The following FBXO4 variants were observed in gnomAD, a reference collection of about 807,000 sequenced individuals.
FBXO4 encodes the protein F-box only protein 4.
A neutral mutation model predicts 43.7 loss-of-function variants in FBXO4; 36 were observed. The ratio of observed to expected loss-of-function variants is 0.82; its 90% CI spans 0.63 to 1.09. The LOEUF is 1.09. FBXO4 is among the 50% of genes least tolerant of loss of function. The probability of loss-of-function intolerance (pLI) is 0.00; values close to 1 mark genes in which losing one functional copy is unlikely to be tolerated. For missense variants in FBXO4, 435 were observed against 474.1 expected (o/e 0.92, Z 0.77); for synonymous variants, 180 against 165.6 (o/e 1.09, Z -0.67).
rs1751991814 is a variant in FBXO4, at chr5:41,941,063, C to CT, written c.1075-127dup. 1.8e-5 allele frequency: 11 copies of CT among 609,516 alleles called. No individual in the cohort carries two copies. In the East Asian group the frequency reaches 3.2e-4, roughly 18 times the overall value. The allele number at this position is 609,516 out of a possible 1,614,324, so 37.8% of individuals were successfully genotyped here. A position where few individuals can be genotyped will look rare whatever the true frequency, so the allele number is the denominator to read the frequency against. On this transcript the variant is annotated intron_variant, in intron 6 of 6. Transcript: ENST00000281623. ...GCTCTACAAAACAAAACTTGAGCAACTTATCCAAAGTTTATTGGGATTTTT... is the reference window on the plus strand; with the variant it reads ...GCTCTACAAAACAAAACTTGAGCAACTTTATCCAAAGTTTATTGGGATTTTT...
At chr5:41,974,352 T>C in the FBXO4 span, among the ~76,000 whole-genome samples, 1 of 152,190 alleles carries the variant, frequency 6.6e-6, no homozygotes, top group African/African-American at 2.4e-5. Context: ...ATTACATGTA[T>C]GTTAGATGGT....
At chr5:41,984,314 A>C in the FBXO4 span, among the ~76,000 whole-genome samples, 1 of 152,192 alleles carries the variant, frequency 6.6e-6, no homozygotes, top group Non-Finnish European at 1.5e-5. Context: ...TGCAAAGTAA[A>C]ATCTTTCAAA....
At chr5:41,930,760 C>T (rs547588434) in intron 3 of FBXO4, among the ~76,000 whole-genome samples, 1 of 151,930 alleles carries the variant, frequency 6.6e-6, no homozygotes, top group Non-Finnish European at 1.5e-5. Context: ...CTCCGCCTCC[C>T]GGGTTCACAC....
downstream of FBXO4, among the ~76,000 whole-genome samples, chr5:41,943,505 G>A (rs1324004627): frequency 6.6e-6 from 1 of 152,076 alleles, no homozygotes; most frequent in Non-Finnish European, 1.5e-5. Context: ...ATCTGCATAA[G>A]TACTTCTCTG....
the FBXO4 span, among the ~76,000 whole-genome samples, chr5:42,004,448 T>C: frequency 1.3e-5 from 2 of 152,126 alleles, no homozygotes; most frequent in Non-Finnish European, 2.9e-5. Flanking sequence ...ATTTAAGAGA[T>C]CTAGAATCCT....
chr5:41,928,338 CTT>C (rs560942725), intron 2 of FBXO4, among the ~76,000 whole-genome samples: 20 of 141,354 alleles, frequency 1.4e-4, no homozygotes, highest in Non-Finnish European at 9.3e-5. Context: ...TCTTTCTTTT[CTT>C]TTTTTTTTTT....
the FBXO4 span, among the ~76,000 whole-genome samples, chr5:41,965,103 G>T: frequency 1.3e-5 from 2 of 152,074 alleles, no homozygotes; most frequent in Non-Finnish European, 2.9e-5. Context: ...TCTACATATG[G>T]CTAGCCAGTT....
intron 4 of FBXO4, 50 bp from the exon 5 acceptor site, chr5:41,934,083 G>A: frequency 7.4e-6 from 12 of 1,611,380 alleles, no homozygotes; most frequent in Non-Finnish European, 1.0e-5. Flanking sequence ...CAGGTGAGTG[G>A]AGCCTGTTTA....
At chr5:41,934,596 G>T in intron 5 of FBXO4, 1 of 1,306,544 alleles carries the variant, frequency 7.7e-7, no homozygotes. Context: ...AAGCACCCAG[G>T]GAATTCTGAT....
chr5:42,007,731 C>T, the FBXO4 span, among the ~76,000 whole-genome samples: 1 of 152,062 alleles, frequency 6.6e-6, no homozygotes, highest in Non-Finnish European at 1.5e-5. Flanking sequence ...TATATTCAAG[C>T]ATTATTGCAA....
chr5:42,038,931 T>C, the FBXO4 span, among the ~76,000 whole-genome samples: 1 of 152,094 alleles, frequency 6.6e-6, no homozygotes, highest in Non-Finnish European at 1.5e-5. Context: ...TATTTTTGCC[T>C]CTACTTTGTT....
At chr5:41,992,285 T>G in the FBXO4 span, among the ~76,000 whole-genome samples, 1 of 152,188 alleles carries the variant, frequency 6.6e-6, no homozygotes, top group Non-Finnish European at 1.5e-5. Context: ...TGAAATTAAG[T>G]ATAAAGTCTT....
chr5:42,002,812 A>G, the FBXO4 span, among the ~76,000 whole-genome samples: 1 of 152,252 alleles, frequency 6.6e-6, no homozygotes, highest in Non-Finnish European at 1.5e-5. Flanking sequence ...GAAAAACTAA[A>G]TAAATGAATA....
the FBXO4 span, among the ~76,000 whole-genome samples, chr5:41,961,853 C>G: frequency 6.6e-6 from 1 of 152,188 alleles, no homozygotes; most frequent in Non-Finnish European, 1.5e-5. Flanking sequence ...GCAAAAGTAG[C>G]CAGTGTCCCC....
chr5:41,972,286 G>A, the FBXO4 span, among the ~76,000 whole-genome samples: 18 of 152,026 alleles, frequency 1.2e-4, no homozygotes, highest in African/African-American at 2.7e-4. Flanking sequence ...AATTAGTAGC[G>A]TTGCTATACA....
chr5:41,926,250 A>G (rs1751495149), intron 1 of FBXO4, among the ~76,000 whole-genome samples: 1 of 152,214 alleles, frequency 6.6e-6, no homozygotes, highest in Non-Finnish European at 1.5e-5. Flanking sequence ...TTTTCATAAC[A>G]TTTTAATAGA....
chr5:41,930,863 A>T (rs948536520), intron 3 of FBXO4, among the ~76,000 whole-genome samples: 1 of 152,030 alleles, frequency 6.6e-6, no homozygotes, highest in Non-Finnish European at 1.5e-5. Context: ...TCACTGTGTT[A>T]GCCAGGATGG....
In FBXO4 at chr5:41,939,501, C is replaced by G. The variant is rs937048304; in HGVS notation, c.959C>G (p.Ser320Cys). 5 of 1,613,810 alleles carry G rather than the reference C, an allele frequency of 3.1e-6. No homozygotes were observed. Among genetic ancestry groups the G allele is most frequent in the Non-Finnish European group, 4.2e-6 (5 of 1,179,834 alleles). ...IMAMTDPAFGSSGRPLLVLSC... is the reference protein window; with the variant it reads ...IMAMTDPAFGCSGRPLLVLSC... Reference sequence around the variant, plus strand: ...GCAATGACAGATCCAGCCTTTGGGTCTTCGGGAAGACCATTGTTGGTTTTA... The same window carrying G: ...GCAATGACAGATCCAGCCTTTGGGTGTTCGGGAAGACCATTGTTGGTTTTA... Residue 320 changes from serine to cysteine, a missense_variant, in exon 6 of 7, where the codon TCT (serine) becomes TGT (cysteine). By Grantham distance (112) the Ser-to-Cys change is moderately radical. Coordinates refer to ENST00000281623, the MANE Select transcript of FBXO4 (RefSeq NM_012176.3).
chr5:41,995,358 C>T, the FBXO4 span, among the ~76,000 whole-genome samples: 2 of 152,144 alleles, frequency 1.3e-5, no homozygotes, highest in Non-Finnish European at 1.5e-5. Context: ...TGGAAGAGGT[C>T]CAATATAATC....
Sources: allele counts gnomAD v4.1 joint callset (sites outside exome capture counted in the v4.1 genomes callset), GRCh38; gene constraint gnomAD v4.1.1; transcripts MANE v1.5; gene names NCBI Gene and HGNC (gene_info 2026-07-23, HGNC 2026-07-21).